Variants in AIDA observed in about 807,000 individuals in gnomAD.
AIDA encodes the protein axin interactor, dorsalization associated.
A neutral mutation model predicts 42.7 loss-of-function variants in AIDA; 18 were observed. That is an observed-to-expected ratio of 0.42 (90% confidence interval 0.29 to 0.63). The LOEUF is 0.63. AIDA is among the 20% of genes least tolerant of loss of function. The pLI, the probability that AIDA is intolerant of heterozygous loss-of-function variation, is 0.19. For synonymous variants in AIDA, 104 were observed against 122.9 expected, an observed-to-expected ratio of 0.85 and a Z score of 1.02; for missense variants, 250 against 354.1, an observed-to-expected ratio of 0.71 and a Z score of 2.36.
chr1:222,706,169 A>G (rs897788660), intron 1 of AIDA, among the ~76,000 whole-genome samples: 4 of 152,228 alleles, frequency 2.6e-5, no homozygotes, highest in African/African-American at 7.2e-5. Flanking sequence ...CCAAAAGACA[A>G]TAACAAATGC....
chr1:222,691,662 T>A (rs1470016931), intron 4 of AIDA, among the ~76,000 whole-genome samples: 1 of 152,168 alleles, frequency 6.6e-6, no homozygotes, highest in Non-Finnish European at 1.5e-5. Context: ...TTAATTCAAC[T>A]CAATAAATAT....
chr1:222,686,822 A>G, intron 6 of AIDA, 108 bp downstream of exon 6: 1 of 1,339,800 alleles, frequency 7.5e-7, no homozygotes, highest in African/African-American at 1.5e-5. Flanking sequence ...GATTGGCATG[A>G]GCTTTAGAGT....
chr1:222,671,510 C>G (rs1187896655), intron 8 of AIDA, among the ~76,000 whole-genome samples: 1 of 152,118 alleles, frequency 6.6e-6, no homozygotes, highest in African/African-American at 2.4e-5. Flanking sequence ...ACAAAACTCA[C>G]AAGTCACTAG....
At position 222,673,322 on chromosome 1, in the gene AIDA, AT is replaced by A; in HGVS notation, c.696del (p.Lys232AsnfsTer2). 1 of 1,603,818 alleles carries A rather than the reference AT, an allele frequency of 6.2e-7. No individual in the cohort carries two copies. The highest frequency in any genetic ancestry group is 8.5e-7 in the Non-Finnish European group (1 of 1,175,766). On this transcript the variant is annotated frameshift_variant, in exon 8 of 10. Transcript: ENST00000340020. LOFTEE classifies it high-confidence loss of function. Reference sequence around the variant, plus strand: ...ATTTAGGATTACAAACCTTTGGTTAATTTTTCAACATGCTTCTGGAGCTCAA... The same window carrying A: ...ATTTAGGATTACAAACCTTTGGTTAATTTTCAACATGCTTCTGGAGCTCAA... ...VDIELQKHVE[K>X]LTKGAAIFFE... is the part of the protein sequence containing the mutation.
At chr1:222,699,187 G>A (rs1655611707) in intron 2 of AIDA, among the ~76,000 whole-genome samples, 1 of 151,838 alleles carries the variant, frequency 6.6e-6, no homozygotes, top group South Asian at 2.1e-4. Context: ...TTGAACGGTT[G>A]GCATAATTCT....
At chr1:222,685,167 T>C (rs1571929681) in intron 6 of AIDA, among the ~76,000 whole-genome samples, 1 of 152,224 alleles carries the variant, frequency 6.6e-6, no homozygotes, top group African/African-American at 2.4e-5. Context: ...CCCTGCAGTA[T>C]AGGTACTGTT....
At position 222,689,479 on chromosome 1, in the gene AIDA, GTGTATATATATATATATATATA is replaced by G. The variant is rs1191977260; in HGVS notation, c.290-1843_290-1822del. On this transcript the variant is annotated intron_variant, in intron 4 of 9. Transcript: ENST00000340020. ...AAAAAGAAAATATGTATGTGTGTGT[GTGTATATATATATATATATATA>G]TATATATATATATATATATACACAC... 1.8e-4 allele frequency among the ~76,000 whole-genome samples: 8 copies of G among 45,240 alleles called. No homozygotes were observed. The East Asian group carries it at 2.4e-3, about 13-fold the overall frequency. 29.7% of individuals were successfully genotyped at this position (45,240 alleles called of 152,430 possible). A position where few individuals can be genotyped will look rare whatever the true frequency, so the allele number is the denominator to read the frequency against.
chr1:222,688,616 T>C (rs75380316), intron 4 of AIDA, among the ~76,000 whole-genome samples: 2 of 152,122 alleles, frequency 1.3e-5, no homozygotes, highest in African/African-American at 4.8e-5. Context: ...TTTTTTTTTT[T>C]TGAGACAGAG....
In AIDA at chr1:222,671,061, C is replaced by CA. The variant is rs921021664; in HGVS notation, c.707-812dup. Among the ~76,000 whole-genome samples, 14 of 151,638 alleles carry CA rather than the reference C, an allele frequency of 9.2e-5. No individual in the cohort carries two copies. The East Asian group carries it at 1.2e-3, about 13-fold the overall frequency. ...AGGGGGTGGTAAGACCCCACCTCTA[C>CA]AAAAAAAATTTTAAAAATAGCCAGG... On this transcript the variant is annotated intron_variant, in intron 8 of 9. Transcript: ENST00000340020.
At chr1:222,685,588 T>C (rs1389939940) in intron 6 of AIDA, among the ~76,000 whole-genome samples, 8 of 152,228 alleles carry the variant, frequency 5.3e-5, no homozygotes. Context: ...TTATAGCAGA[T>C]TGCTATACTT....
chr1:222,687,459 A>C, intron 5 of AIDA, 136 bp downstream of exon 5: 1 of 754,834 alleles, frequency 1.3e-6, no homozygotes, highest in Non-Finnish European at 2.0e-6. Context: ...AAATAAAATA[A>C]AATGCTGATA....
intron 2 of AIDA, among the ~76,000 whole-genome samples, chr1:222,702,228 C>G (rs966584293): frequency 6.6e-6 from 1 of 152,048 alleles, no homozygotes; most frequent in South Asian, 2.1e-4. Context: ...GATGAATAGA[C>G]TAAAATGGAT....
At chr1:222,703,404 G>A (rs549140012) in intron 1 of AIDA, among the ~76,000 whole-genome samples, 187 bp from the exon 2 acceptor site, 2 of 151,216 alleles carry the variant, frequency 1.3e-5, no homozygotes, top group South Asian at 4.2e-4. Context: ...ATGAAAATAA[G>A]ATACAATACT....
intron 4 of AIDA, 56 bp from the exon 5 acceptor site, chr1:222,687,714 A>G (rs560803025): frequency 1.1e-5 from 13 of 1,234,978 alleles, no homozygotes; most frequent in South Asian, 7.1e-5. Flanking sequence ...ATCAAAAATT[A>G]TATCTTAAAT....
intron 3 of AIDA, 32 bp downstream of exon 3, chr1:222,694,178 T>A (rs1452645711): frequency 6.4e-7 from 1 of 1,572,038 alleles, no homozygotes. Context: ...TAATTTATTT[T>A]CCTTGTATTA....
intron 2 of AIDA, among the ~76,000 whole-genome samples, chr1:222,695,115 C>G (rs1655482542): frequency 6.6e-6 from 1 of 152,202 alleles, no homozygotes; most frequent in Admixed American, 6.5e-5. Flanking sequence ...GCTGAGGAAT[C>G]TGTGATTACT....
At chr1:222,683,511 T>G (rs922034381) in intron 6 of AIDA, among the ~76,000 whole-genome samples, 7 of 152,222 alleles carry the variant, frequency 4.6e-5, no homozygotes, top group Admixed American at 6.5e-5. Flanking sequence ...AAATAATGTT[T>G]TATGCATACA....
At chr1:222,694,110 T>C (rs1271639453) in intron 3 of AIDA, 100 bp downstream of exon 3, 1 of 1,126,252 alleles carries the variant, frequency 8.9e-7, no homozygotes, top group Non-Finnish European at 1.3e-6. Context: ...ATAAAACACT[T>C]CTGAGACAAT....
At chr1:222,710,717 GGATTTT>G (rs1655981024) in intron 1 of AIDA, among the ~76,000 whole-genome samples, 2 of 152,134 alleles carry the variant, frequency 1.3e-5, no homozygotes, top group South Asian at 4.1e-4. Context: ...GACAGGATTT[GGATTTT>G]CTTTTTTAAA....
Sources: allele counts gnomAD v4.1 joint callset (sites outside exome capture counted in the v4.1 genomes callset), GRCh38; gene constraint gnomAD v4.1.1; transcripts MANE v1.5; gene names NCBI Gene and HGNC (gene_info 2026-07-23, HGNC 2026-07-21).